SLC2A7: variants seen among roughly 807,000 people sequenced by gnomAD.
SLC2A7 encodes solute carrier family 2 member 7, also known as solute carrier family 2, facilitated glucose transporter member 7.
SLC2A7 carries 50 observed loss-of-function variants against 50.5 expected under a neutral mutation model. That is an observed-to-expected ratio of 0.99 (90% confidence interval 0.79 to 1.25). The LOEUF is 1.25. SLC2A7 is among the 50% of genes most tolerant of loss of function. The probability of loss-of-function intolerance (pLI) is 0.00; values close to 1 mark genes in which losing one functional copy is unlikely to be tolerated. For synonymous variants in SLC2A7, 308 were observed against 300.4 expected (o/e 1.03, Z -0.26); for missense variants, 683 against 679.1 (o/e 1.01, Z -0.06).
chr1:9,014,732 G>A lies in SLC2A7; in HGVS notation c.852C>T (p.Leu284=). 6.4e-7 allele frequency: 1 copy of A among 1,573,170 alleles called. No individual in the cohort carries two copies. ...LCALRSLRWQ[L]LSIIVLMAGQ... ...CGGCCATGAGCACGATGATGGAGAG[G>A]AGCTGCCAGCGCAGGGACCGCAGGG... Residue 284 remains leucine (L), a synonymous_variant, in exon 7 of 12, where the codon CTC becomes CTT. Coordinates refer to ENST00000400906, the MANE Select transcript of SLC2A7 (RefSeq NM_207420.3).
In SLC2A7 at chr1:9,025,007, T is replaced by G. The variant is rs1227111761; in HGVS notation, c.119A>C (p.Tyr40Ser). ...AAFGSAFQYG[Y>S]NLSVVNTPHK... ...CGGCGTGTTGACCACAGAGAGGTTG[T>G]AGCCGTACTGGAAGGCTGAGCCAAA... The change falls in exon 2 of 12, where the codon TAC (tyrosine) becomes TCC (serine). Residue 40 changes from tyrosine (Y) to serine (S), a missense_variant. Transcript: ENST00000400906. 1 of 1,613,244 alleles carries G rather than the reference T, an allele frequency of 6.2e-7. No homozygotes were observed. Among genetic ancestry groups the G allele is most frequent in the African/African-American group, 1.3e-5 (1 of 74,378 alleles).
At chr1:9,002,539 T>A (rs1640589765), downstream of SLC2A7, among the ~76,000 whole-genome samples, 3 of 152,162 alleles carry the variant, frequency 2.0e-5, no homozygotes, top group South Asian at 6.2e-4. Flanking sequence ...CACAGAGCCT[T>A]TGCTCACATG....
chr1:9,013,997 G>T (rs565968509), intron 7 of SLC2A7, among the ~76,000 whole-genome samples: 2 of 152,218 alleles, frequency 1.3e-5, no homozygotes, highest in Non-Finnish European at 2.9e-5. Context: ...CAAGCCAACC[G>T]CAAGTTGAGT....
chr1:9,019,339 A>G lies in SLC2A7; in HGVS notation c.312-6T>C, dbSNP rs1640878664. On this transcript the variant is annotated splice_region_variant and splice_polypyrimidine_tract_variant and intron_variant, in intron 3 of 11. Coordinates refer to ENST00000400906, the MANE Select transcript of SLC2A7 (RefSeq NM_207420.3). ...TGATCAGCAGGGTCCCCTTTCTGCAAAGACAGTGAGCCCAGAGGGCAGGGG... is the reference window on the plus strand; with the variant it reads ...TGATCAGCAGGGTCCCCTTTCTGCAGAGACAGTGAGCCCAGAGGGCAGGGG... 1 of 1,613,776 alleles carries G rather than the reference A, an allele frequency of 6.2e-7. No homozygotes were observed. The highest frequency in any genetic ancestry group is 1.3e-5 in the African/African-American group (1 of 75,044).
In SLC2A7 at chr1:9,022,546, G is replaced by A. The variant is rs372028987; in HGVS notation, c.311+372C>T. ...AAGACACGCGGGGAGAGGCTGCAGC[G>A]CTTAGAACTTGGAGCCATGGTCACC... On this transcript the variant is annotated intron_variant, in intron 3 of 11. Coordinates refer to ENST00000400906, the MANE Select transcript of SLC2A7 (RefSeq NM_207420.3). Among the ~76,000 whole-genome samples the A allele has an allele frequency of 2.1e-4, 32 of 152,208 alleles. 1 individual carries two copies. The East Asian group carries it at 5.6e-3, about 27-fold the overall frequency.
Position 9,003,203 on chromosome 1 carries a change from C to A in SLC2A7, c.*97G>T, listed in dbSNP as rs991336849. On this transcript the variant is annotated 3_prime_UTR_variant, in exon 12 of 12. Transcript: ENST00000400906. ...AGTTAAATGGGGGCAACGACAAAAG[C>A]CTCCGTGCTATTATCCTCCCCAGAG... The A allele has an allele frequency of 9.3e-6, 10 of 1,080,842 alleles. No individual in the cohort carries two copies. Among genetic ancestry groups the A allele is most frequent in the Non-Finnish European group, 1.3e-5 (10 of 744,864 alleles). 67.0% of individuals were successfully genotyped at this position (1,080,842 alleles called of 1,614,324 possible).
chr1:9,010,096 A>C (rs1440885405), intron 9 of SLC2A7, 47 bp downstream of exon 9: 98 of 1,421,468 alleles, frequency 6.9e-5, no homozygotes, highest in Non-Finnish European at 8.8e-5. Context: ...GGGACCTCCC[A>C]CCCTCCCCAT....
intron 11 of SLC2A7, among the ~76,000 whole-genome samples, chr1:9,004,330 C>A (rs1436165235): frequency 4.6e-4 from 30 of 64,866 alleles, no homozygotes; most frequent in African/African-American, 2.3e-3. Context: ...AAGGCCCTGT[C>A]TAAAAAAAAA....
the SLC2A7 span, among the ~76,000 whole-genome samples, chr1:8,994,462 G>A: frequency 1.3e-5 from 2 of 152,146 alleles, no homozygotes; most frequent in African/African-American, 4.8e-5. Context: ...GCAAAGACAC[G>A]CGGGGAGAGG....
rs1390844064 is a variant in SLC2A7 at position 9,018,364 on chromosome 1, T to C, written c.448A>G (p.Ser150Gly). ...TCTCCCAGGTACATGGGAAGGGCGC[T>C]GTAGGAGATGCCTGGTTTGGGCACA... ...VLGVCAGISY[S>G]ALPMYLGELA... The change falls in exon 5 of 12, where the codon AGC becomes GGC. Residue 150 changes from serine to glycine, a missense_variant. Transcript: ENST00000400906. The C allele has an allele frequency of 6.2e-7, 1 of 1,613,060 alleles. No individual in the cohort carries two copies. The highest frequency in any genetic ancestry group is 8.5e-7 in the Non-Finnish European group (1 of 1,180,016).
At position 9,008,765 on chromosome 1, in the gene SLC2A7, T is replaced by C. The variant is rs1383999399; in HGVS notation, c.1116+1378A>G. 1.3e-5 allele frequency among the ~76,000 whole-genome samples: 2 copies of C among 151,992 alleles called. No homozygotes were observed. The highest frequency in any genetic ancestry group is 2.9e-5 in the Non-Finnish European group (2 of 67,992). ...GCACACGCCACCACACCCGACTAAA[T>C]TTTGTATTTTTAATAGAGACGGGGT... On this transcript the variant is annotated intron_variant, in intron 9 of 11. Coordinates refer to ENST00000400906, the MANE Select transcript of SLC2A7 (RefSeq NM_207420.3). This position sits in a 1 kb window ranked among gnomAD's most constrained non-coding sequence, Gnocchi z 5.9.
chr1:9,011,600 G>A (rs1640750770), intron 8 of SLC2A7, among the ~76,000 whole-genome samples: 1 of 151,864 alleles, frequency 6.6e-6, no homozygotes, highest in Non-Finnish European at 1.5e-5. Flanking sequence ...ACATCATGCG[G>A]GGCCCCTCAT....
At chr1:9,019,157 G>T in intron 4 of SLC2A7, 52 bp downstream of exon 4, 1 of 1,585,772 alleles carries the variant, frequency 6.3e-7, no homozygotes, top group Non-Finnish European at 8.6e-7. Flanking sequence ...TTCCAGCCTT[G>T]GCCAAACAGA....
Position 9,015,207 on chromosome 1 carries a change from C to A in SLC2A7, c.625G>T (p.Ala209Ser). 2 of 1,607,802 alleles carry A rather than the reference C, an allele frequency of 1.2e-6. No homozygotes were observed. The highest frequency in any genetic ancestry group is 1.7e-6 in the Non-Finnish European group (2 of 1,177,984). Residue 209 changes from alanine to serine, a missense_variant, in exon 6 of 12, where the codon GCC (alanine) becomes TCC (serine). Coordinates refer to ENST00000400906, the MANE Select transcript of SLC2A7 (RefSeq NM_207420.3). ...GGCAGGGTCAGCAGCTGCAGCAGGG[C>A]GGGCACCCCTGTGAGCGCCAGAAGC... ...PVLLALTGVPALLQLLTLPFF... is the reference protein window; with the variant it reads ...PVLLALTGVPSLLQLLTLPFF...
At chr1:8,996,171 T>C in the SLC2A7 span, among the ~76,000 whole-genome samples, 1 of 152,110 alleles carries the variant, frequency 6.6e-6, no homozygotes, top group Non-Finnish European at 1.5e-5. Flanking sequence ...ATAATAAACA[T>C]TTCATTGCCC....
intron 8 of SLC2A7, among the ~76,000 whole-genome samples, chr1:9,011,088 C>T (rs1054990396): frequency 9.9e-5 from 15 of 152,232 alleles, no homozygotes; most frequent in African/African-American, 3.1e-4. Context: ...GGTCCCCGAC[C>T]CTGAGGAAAT....
In SLC2A7 at chr1:9,025,038, C is replaced by T. The variant is rs751451191; in HGVS notation, c.88G>A (p.Ala30Thr). Reference sequence around the variant, plus strand: ...TACTGGAAGGCTGAGCCAAAGGCCGCGCTCAGTGTCGCCAGCAACAGCGTC... The same window carrying T: ...TACTGGAAGGCTGAGCCAAAGGCCGTGCTCAGTGTCGCCAGCAACAGCGTC... ...QPTLLLATLS[A>T]AFGSAFQYGY... is the part of the protein sequence containing the mutation. Residue 30 changes from alanine to threonine, a missense_variant, in exon 2 of 12, where the codon GCG (alanine) becomes ACG (threonine). By Grantham distance (58) the Ala-to-Thr change is moderately conservative. Transcript: ENST00000400906. 1.5e-5 allele frequency: 24 copies of T among 1,613,848 alleles called. No individual in the cohort carries two copies. Among genetic ancestry groups the T allele is most frequent in the East Asian group, 2.2e-5 (1 of 44,870 alleles).
chr1:9,023,349 C>T (rs1159309843), intron 2 of SLC2A7, among the ~76,000 whole-genome samples: 2 of 152,114 alleles, frequency 1.3e-5, no homozygotes, highest in East Asian at 1.9e-4. Flanking sequence ...GGCTCACGCC[C>T]GTAATCCCGG....
chr1:9,010,772 A>G (rs56193987), intron 8 of SLC2A7, among the ~76,000 whole-genome samples: 5,653 of 152,178 alleles, frequency 0.037, 349 homozygotes, highest in African/African-American at 0.13. Flanking sequence ...CTGGTCATTC[A>G]TTTCCAGACC....
Sources: gnomAD v4.1 joint callset for allele counts (sites outside exome capture counted in the v4.1 genomes callset) on GRCh38, gnomAD v4.1.1 for gene constraint, Gnocchi (gnomAD v3.1) non-coding constraint, MANE v1.5 for transcripts, NCBI Gene and HGNC (gene_info 2026-07-23, HGNC 2026-07-21) for gene names.